The following AGAP1 variants were observed in gnomAD, a reference collection of about 807,000 sequenced individuals.
AGAP1 encodes the protein ArfGAP with GTPase domain, ankyrin repeat and PH domain 1.
In AGAP1, 29 loss-of-function variants were observed where a neutral mutation model predicts 105.3. The observed-to-expected ratio is 0.28, with a 90% CI of 0.21 to 0.38. AGAP1 has a LOEUF of 0.38. Ranked by LOEUF, AGAP1 falls within the 10% of genes least tolerant of loss-of-function variation. The pLI, the probability that AGAP1 is intolerant of heterozygous loss-of-function variation, is 1.00. For synonymous variants in AGAP1, 509 were observed against 485.9 expected (o/e 1.05, Z -0.63); for missense variants, 998 against 1,165.1 (o/e 0.86, Z 2.09).
At chr2:235,859,695 A>G (rs951639812) in intron 9 of AGAP1, among the ~76,000 whole-genome samples, 4 of 152,174 alleles carry the variant, frequency 2.6e-5, no homozygotes, top group African/African-American at 9.7e-5. Context: ...TTTTATCTGT[A>G]GAACAAATTT....
chr2:235,790,202 G>C (rs1415713106), intron 6 of AGAP1, among the ~76,000 whole-genome samples: 1 of 152,158 alleles, frequency 6.6e-6, no homozygotes, highest in East Asian at 1.9e-4. Flanking sequence ...GTACATTAAA[G>C]AAATTTTCGG....
intron 9 of AGAP1, among the ~76,000 whole-genome samples, chr2:235,826,595 G>A (rs957980994): frequency 4.0e-5 from 6 of 151,846 alleles, no homozygotes; most frequent in Admixed American, 6.6e-5. Context: ...GATTACAGGC[G>A]CCCGCCACCA....
rs1157331228 is a variant in AGAP1 at position 235,733,855 on chromosome 2, G to A, written c.311-7108G>A. Among the ~76,000 whole-genome samples, 1 of 152,138 alleles carries A rather than the reference G, an allele frequency of 6.6e-6. No individual in the cohort carries two copies. Among genetic ancestry groups the A allele is most frequent in the Non-Finnish European group, 1.5e-5 (1 of 68,024 alleles). On this transcript the variant is annotated intron_variant, in intron 3 of 17. Transcript: ENST00000304032. The surrounding 1 kb of genome is among the most constrained non-coding windows in gnomAD (Gnocchi z 5.0). ...AATGTAAATTAAAAAAAAAAGTTGGGAGAGGAAGTGAAATCTGATTTGGCT... is the reference window on the plus strand; with the variant it reads ...AATGTAAATTAAAAAAAAAAGTTGGAAGAGGAAGTGAAATCTGATTTGGCT...
chr2:235,678,209 TGA>T (rs1341447118), intron 1 of AGAP1, among the ~76,000 whole-genome samples: 3 of 152,306 alleles, frequency 2.0e-5, no homozygotes, highest in East Asian at 3.9e-4. Context: ...CCCAACCTTC[TGA>T]GAGTCTGTTC....
At chr2:236,048,539 C>A (rs1167444651) in intron 15 of AGAP1, among the ~76,000 whole-genome samples, 2 of 152,200 alleles carry the variant, frequency 1.3e-5, no homozygotes, top group African/African-American at 2.4e-5. Flanking sequence ...GTACCTCTCT[C>A]TCATCTTTGA....
At chr2:235,895,431 G>A (rs1271862891) in intron 10 of AGAP1, among the ~76,000 whole-genome samples, 2 of 152,042 alleles carry the variant, frequency 1.3e-5, no homozygotes, top group African/African-American at 4.8e-5. Flanking sequence ...TCTGGCCTCC[G>A]GGTCTTCACA....
chr2:236,003,603 C>T lies in AGAP1; in HGVS notation c.1646-32958C>T, dbSNP rs924613843. ...GGTACCCTTAAGTCCCACATCCAAG[C>T]TCCCTCCACCCCACACTCTCCCTTG... On this transcript the variant is annotated intron_variant, in intron 13 of 17. Transcript: ENST00000304032. This position sits in a 1 kb window ranked among gnomAD's most constrained non-coding sequence, Gnocchi z 4.2. Among the ~76,000 whole-genome samples the T allele has an allele frequency of 1.3e-5, 2 of 152,222 alleles. No individual in the cohort carries two copies.
chr2:235,878,368 C>T (rs548499114), intron 9 of AGAP1, among the ~76,000 whole-genome samples: 1 of 152,246 alleles, frequency 6.6e-6, no homozygotes, highest in South Asian at 2.1e-4. Flanking sequence ...GAAATCTGGC[C>T]ACGTGGGACC....
chr2:236,006,118 G>T (rs2056313933), intron 13 of AGAP1, among the ~76,000 whole-genome samples: 1 of 151,528 alleles, frequency 6.6e-6, no homozygotes, highest in Non-Finnish European at 1.5e-5. Flanking sequence ...TATTTATTTT[G>T]TATTCTAGGC....
chr2:235,783,040 GTGTGTGTGTGTC>G (rs936727508), intron 6 of AGAP1, among the ~76,000 whole-genome samples: 3 of 88,756 alleles, frequency 3.4e-5, no homozygotes, highest in African/African-American at 9.7e-5. Context: ...GTGTGTGTGT[GTGTGTGTGTGTC>G]TAGGTTGCAG....
chr2:235,535,691 A>G lies in AGAP1; in HGVS notation c.163+40842A>G, dbSNP rs1382081642. On this transcript the variant is annotated intron_variant, in intron 1 of 17. Transcript: ENST00000304032. This position sits in a 1 kb window ranked among gnomAD's most constrained non-coding sequence, Gnocchi z 5.1. Reference sequence around the variant, plus strand: ...ATGCTCTTTGCCATTCAAGCCACTCACTTTCATTTTCTATAGAAAAGCCTT... The same window carrying G: ...ATGCTCTTTGCCATTCAAGCCACTCGCTTTCATTTTCTATAGAAAAGCCTT... 6.6e-6 allele frequency among the ~76,000 whole-genome samples: 1 copy of G among 151,930 alleles called. No homozygotes were observed. Among genetic ancestry groups the G allele is most frequent in the Non-Finnish European group, 1.5e-5 (1 of 68,012 alleles).
chr2:236,118,300 G>A lies in AGAP1; in HGVS notation c.2115-1892G>A, dbSNP rs2059818993. On this transcript the variant is annotated intron_variant, in intron 16 of 17. Transcript: ENST00000304032. ...CTGGAGAAACCTGAATTTTGGAGAGGGCGATTGTGAATCAGTGCGTTATTA... is the reference window on the plus strand; with the variant it reads ...CTGGAGAAACCTGAATTTTGGAGAGAGCGATTGTGAATCAGTGCGTTATTA... Among the ~76,000 whole-genome samples, 7 of 152,208 alleles carry A rather than the reference G, an allele frequency of 4.6e-5. No homozygotes were observed. The South Asian group carries it at 1.5e-3, about 32-fold the overall frequency.
At chr2:236,004,355 G>T (rs1232359909) in intron 13 of AGAP1, among the ~76,000 whole-genome samples, 1 of 152,146 alleles carries the variant, frequency 6.6e-6, no homozygotes, top group Non-Finnish European at 1.5e-5. Context: ...TTAGAAACTG[G>T]GATCCACATT....
At chr2:235,643,946 A>G (rs1947287213) in intron 1 of AGAP1, among the ~76,000 whole-genome samples, 1 of 152,066 alleles carries the variant, frequency 6.6e-6, no homozygotes, top group South Asian at 2.1e-4. Context: ...TACTCAAAGG[A>G]AGCAGATGAC....
intron 1 of AGAP1, among the ~76,000 whole-genome samples, chr2:235,519,487 C>G (rs1942534755): frequency 6.6e-6 from 1 of 152,076 alleles, no homozygotes; most frequent in Non-Finnish European, 1.5e-5. Context: ...CATTTCTCAC[C>G]TCTCTGGAAG....
At chr2:235,978,233 G>A (rs13402410) in intron 13 of AGAP1, among the ~76,000 whole-genome samples, 3,138 of 152,292 alleles carry the variant, frequency 0.021, 104 homozygotes, top group African/African-American at 0.072. Context: ...TCAGTCTGTA[G>A]GACCATTCTA....
rs898039821 is a variant in AGAP1 at position 236,045,696 on chromosome 2, G to A, written c.1892-3363G>A. ...TGCCAGGAGGCTGGGATCAGCCACA[G>A]GCCGAGGTTCTCCACCCAGGCCGAG... On this transcript the variant is annotated intron_variant, in intron 15 of 17. Transcript: ENST00000304032. The surrounding 1 kb of genome is among the most constrained non-coding windows in gnomAD (Gnocchi z 6.9). 5.3e-5 allele frequency among the ~76,000 whole-genome samples: 8 copies of A among 152,368 alleles called. 1 individual carries two copies. The highest frequency in any genetic ancestry group is 3.9e-4 in the Admixed American group (6 of 15,308).
In AGAP1 at chr2:236,083,238, C is replaced by T. The variant is rs1034814014; in HGVS notation, c.2114+33957C>T. 3.9e-5 allele frequency among the ~76,000 whole-genome samples: 6 copies of T among 152,188 alleles called. No individual in the cohort carries two copies. The highest frequency in any genetic ancestry group is 9.6e-5 in the African/African-American group (4 of 41,458). On this transcript the variant is annotated intron_variant, in intron 16 of 17. Transcript: ENST00000304032. The surrounding 1 kb of genome is among the most constrained non-coding windows in gnomAD (Gnocchi z 5.3). ...CAAAGAAAGGGCTGTTGTCAGTCGCCGAGGCTTCGGTCTCAGGTTTTTCAG... is the reference window on the plus strand; with the variant it reads ...CAAAGAAAGGGCTGTTGTCAGTCGCTGAGGCTTCGGTCTCAGGTTTTTCAG...
rs945578212 is a variant in AGAP1 at position 235,934,096 on chromosome 2, G to A, written c.1483+3173G>A. Among the ~76,000 whole-genome samples, 1 of 152,178 alleles carries A rather than the reference G, an allele frequency of 6.6e-6. No homozygotes were observed. Among genetic ancestry groups the A allele is most frequent in the African/African-American group, 2.4e-5 (1 of 41,438 alleles). On this transcript the variant is annotated intron_variant, in intron 12 of 17. Coordinates refer to ENST00000304032, the MANE Select transcript of AGAP1 (RefSeq NM_001037131.3). The surrounding 1 kb of genome is among the most constrained non-coding windows in gnomAD (Gnocchi z 4.9). ...TCAGCTCTCCATCACTGCATGTCAA[G>A]GTGTGCCTCCAGGAGCAGCAGCAGC...
Sources: allele counts gnomAD v4.1 joint callset (sites outside exome capture counted in the v4.1 genomes callset), GRCh38; gene constraint gnomAD v4.1.1; non-coding constraint Gnocchi (gnomAD v3.1); transcripts MANE v1.5; gene names NCBI Gene and HGNC (gene_info 2026-07-23, HGNC 2026-07-21).